KLF11: variants seen among roughly 807,000 people sequenced by gnomAD.
KLF11 encodes the protein KLF transcription factor 11.
Under a neutral mutation model 29.9 loss-of-function variants are expected in KLF11, and 26 were observed. The ratio of observed to expected loss-of-function variants is 0.87; its 90% CI spans 0.64 to 1.21. KLF11 has a LOEUF of 1.21. Ranked by LOEUF, KLF11 falls within the 50% of genes most tolerant of loss-of-function variation. KLF11 has a pLI of 0.00. For missense variants in KLF11, 778 were observed against 665.7 expected, an observed-to-expected ratio of 1.17 and a Z score of -1.86; for synonymous variants, 318 against 257.4, an observed-to-expected ratio of 1.24 and a Z score of -2.25.
Position 10,046,144 on chromosome 2 carries a change from C to G in KLF11, c.43-6C>G, listed in dbSNP as rs775967362. On this transcript the variant is annotated splice_region_variant and splice_polypyrimidine_tract_variant and intron_variant, in intron 1 of 3. Transcript: ENST00000305883. ...CTGAGAAGCCGTTGTGTTGTGTCGC[C>G]TTTAGGTTGACATCATGGACATATG... The G allele has an allele frequency of 1.4e-5, 22 of 1,613,338 alleles. No individual in the cohort carries two copies. The East Asian group carries it at 2.9e-4, about 21-fold the overall frequency.
rs1558351551 is a variant in KLF11, at chr2:10,052,314, CAGG to C, written c.1347_1349del (p.Gly450del). 6.2e-7 allele frequency: 1 copy of C among 1,614,176 alleles called. No individual in the cohort carries two copies. Among genetic ancestry groups the C allele is most frequent in the East Asian group, 2.2e-5 (1 of 44,876 alleles). On this transcript the variant is annotated inframe_deletion, in exon 4 of 4. Transcript: ENST00000305883. ...CTGTCACGCCACCGCAGAACTCACACAGGGGAGAAGAAGTTTGTGTGCCCGGTG... is the reference window on the plus strand; with the variant it reads ...CTGTCACGCCACCGCAGAACTCACACGGAGAAGAAGTTTGTGTGCCCGGTG...
Position 10,048,445 on chromosome 2 carries a change from G to C in KLF11, c.1108G>C (p.Ala370Pro). Residue 370 changes from alanine (A) to proline (P), a missense_variant, in exon 3 of 4, where the codon GCC becomes CCC. Physicochemically the swap from Ala to Pro is conservative, Grantham distance 27 (BLOSUM62 -1). Coordinates refer to ENST00000305883, the MANE Select transcript of KLF11 (RefSeq NM_003597.5). ...AAGNTKLLPL[A>P]PAPVFITSSQ... Reference sequence around the variant, plus strand: ...CGGGAATACCAAGTTGTTGCCCCTTGCCCCTGCTCCAGTGTTCATCACCTC... The same window carrying C: ...CGGGAATACCAAGTTGTTGCCCCTTCCCCCTGCTCCAGTGTTCATCACCTC... The C allele has an allele frequency of 6.2e-7, 1 of 1,614,082 alleles. No homozygotes were observed. The highest frequency in any genetic ancestry group is 8.5e-7 in the Non-Finnish European group (1 of 1,180,030).
At chr2:10,046,023 G>A in intron 1 of KLF11, 127 bp from the exon 2 acceptor site, 1 of 1,079,620 alleles carries the variant, frequency 9.3e-7, no homozygotes, top group South Asian at 1.3e-5. Context: ...GGTGTTTGTT[G>A]CTATAGACTA....
Position 10,053,651 on chromosome 2 carries a change from T to C in KLF11, c.*1144T>C. ...TACTACCCAACTGCCTTTCTGTTCA[T>C]TTTGTTTGAAGGAAATTGTTTTGAC... On this transcript the variant is annotated 3_prime_UTR_variant, in exon 4 of 4. Transcript: ENST00000305883. 2.6e-6 allele frequency: 1 copy of C among 378,552 alleles called. No homozygotes were observed. The highest frequency in any genetic ancestry group is 4.7e-6 in the Non-Finnish European group (1 of 213,520). The allele number at this position is 378,552 out of a possible 1,614,324, so 23.4% of individuals were successfully genotyped here. A position where few individuals can be genotyped will look rare whatever the true frequency, so the allele number is the denominator to read the frequency against.
chr2:10,043,792 G>A (rs1358025179), intron 1 of KLF11, 34 bp downstream of exon 1: 9 of 1,352,782 alleles, frequency 6.7e-6, no homozygotes, highest in South Asian at 3.9e-5. Context: ...GGGACTACTC[G>A]TCTGAGCGAG....
At chr2:10,044,158 G>T in intron 1 of KLF11, 1 of 165,830 alleles carries the variant, frequency 6.0e-6, no homozygotes, top group Non-Finnish European at 7.2e-6. Context: ...AACGCGGCAC[G>T]GTTTTGGGGG....
intron 2 of KLF11, 77 bp downstream of exon 2, chr2:10,046,496 G>C (rs1044434134): frequency 1.7e-5 from 25 of 1,513,226 alleles, no homozygotes; most frequent in African/African-American, 4.1e-5. Context: ...AAGAACTTGT[G>C]AGAAGATTCC....
rs1558344139 is a variant in KLF11, at chr2:10,043,655, G to A, written c.-62G>A. The A allele has an allele frequency of 8.4e-7, 1 of 1,186,290 alleles. No individual in the cohort carries two copies. 73.5% of individuals were successfully genotyped at this position (1,186,290 alleles called of 1,614,324 possible). ...CGCCGCCGCCCGCAGCCCACGTGCG[G>A]CCGCTGCTGCGCCCGAGCTCACGCC... On this transcript the variant is annotated 5_prime_UTR_variant, in exon 1 of 4. Transcript: ENST00000305883.
In KLF11 at chr2:10,047,804, G is replaced by T. The variant is rs587780378; in HGVS notation, c.467G>T (p.Gly156Val). ...GCTCTGAGCGGGGGCGCGGAGAGGG[G>T]CTTGCTGGGTTTGGAGCCAGTGCCC... ...ARALSGGAER[G>V]LLGLEPVPSS... Residue 156 changes from glycine (G) to valine (V), a missense_variant, in exon 3 of 4, where the codon GGC becomes GTC. Transcript: ENST00000305883. The T allele has an allele frequency of 2.5e-5, 41 of 1,613,556 alleles. 1 individual carries two copies. In the Admixed American group the frequency reaches 6.5e-4, roughly 26 times the overall value.
chr2:10,044,338 G>GC, intron 1 of KLF11: 2 of 985,662 alleles, frequency 2.0e-6, no homozygotes, highest in Non-Finnish European at 2.4e-6. Flanking sequence ...AGCGTTGGGG[G>GC]CCCTAAGCGT....
At chr2:10,045,200 T>G (rs982616538) in intron 1 of KLF11, among the ~76,000 whole-genome samples, 1 of 151,366 alleles carries the variant, frequency 6.6e-6, no homozygotes, top group Admixed American at 6.6e-5. Context: ...TCAAGGCGGG[T>G]GGATCGCCTG....
At chr2:10,047,571 A>T in intron 2 of KLF11, 79 bp from the exon 3 acceptor site, 1 of 1,190,926 alleles carries the variant, frequency 8.4e-7, no homozygotes, top group Non-Finnish European at 1.2e-6. Flanking sequence ...TTCTGTGTAA[A>T]GGTATTGGGA....
At chr2:10,044,734 C>T (rs1661130417) in intron 1 of KLF11, among the ~76,000 whole-genome samples, 1 of 151,724 alleles carries the variant, frequency 6.6e-6, no homozygotes, top group Admixed American at 6.6e-5. Flanking sequence ...CTGTAACCTC[C>T]CTGGGAGGGA....
intron 1 of KLF11, chr2:10,043,976 C>T (rs1046433408): frequency 2.4e-5 from 21 of 876,210 alleles, no homozygotes; most frequent in South Asian, 1.0e-4. Context: ...GGGGCGTGTT[C>T]CCCGCGCAGC....
Position 10,054,211 on chromosome 2 carries a change from C to T in KLF11, c.*1704C>T, listed in dbSNP as rs1445157939. ...ATGTTGTGCATAGTTCATGTTTCCT[C>T]ACCACCCAGTCCTTTCTCCTGCTCA... On this transcript the variant is annotated 3_prime_UTR_variant, in exon 4 of 4. Transcript: ENST00000305883. The T allele has an allele frequency of 1.3e-5, 2 of 152,188 alleles. No homozygotes were observed. Among genetic ancestry groups the T allele is most frequent in the Non-Finnish European group, 2.9e-5 (2 of 68,038 alleles). 9.4% of individuals were successfully genotyped at this position (152,188 alleles called of 1,614,324 possible). A position where few individuals can be genotyped will look rare whatever the true frequency, so the allele number is the denominator to read the frequency against.
intron 3 of KLF11, 146 bp downstream of exon 3, chr2:10,048,741 C>T: frequency 1.4e-6 from 1 of 716,494 alleles, no homozygotes; most frequent in Non-Finnish European, 2.5e-6. Flanking sequence ...GAAAAGCCCG[C>T]ACAACCTTGT....
rs752610230 is a variant in KLF11 at position 10,052,340 on chromosome 2, G to T, written c.1372G>T (p.Val458Leu). Residue 458 changes from valine (V) to leucine (L), a missense_variant, in exon 4 of 4, where the codon GTG becomes TTG. Transcript: ENST00000305883. The part of the protein sequence containing the change: ...HTGEKKFVCP[V>L]CDRRFMRSDH... ...AGGGGAGAAGAAGTTTGTGTGCCCG[G>T]TGTGTGACCGACGTTTCATGCGCAG... 1 of 1,614,078 alleles carries T rather than the reference G, an allele frequency of 6.2e-7. No individual in the cohort carries two copies. Among genetic ancestry groups the T allele is most frequent in the Non-Finnish European group, 8.5e-7 (1 of 1,180,012 alleles).
intron 1 of KLF11, 82 bp from the exon 2 acceptor site, chr2:10,046,068 G>T (rs1661188067): frequency 1.3e-5 from 20 of 1,531,278 alleles, no homozygotes; most frequent in Non-Finnish European, 1.7e-5. Flanking sequence ...GTAGGCTTCT[G>T]ATATGCATAT....
chr2:10,044,309 G>GGCGGGAACGCGGC, intron 1 of KLF11: 1 of 985,664 alleles, frequency 1.0e-6, no homozygotes, highest in Non-Finnish European at 1.2e-6. Flanking sequence ...AACGCTTGGA[G>GGCGGGAACGCGGC]GCGGGAACGC....
Sources: gnomAD v4.1 joint callset for allele counts (sites outside exome capture counted in the v4.1 genomes callset) on GRCh38, gnomAD v4.1.1 for gene constraint, MANE v1.5 for transcripts, NCBI Gene and HGNC (gene_info 2026-07-23, HGNC 2026-07-21) for gene names.